The following ANK1 variants were observed in gnomAD, a reference collection of about 807,000 sequenced individuals.
The protein encoded by ANK1 is ankyrin 1.
In ANK1, 51 loss-of-function variants were observed where a neutral mutation model predicts 210.4. The observed-to-expected ratio is 0.24, with a 90% CI of 0.19 to 0.31. The LOEUF (loss-of-function observed/expected upper bound fraction) is 0.31. ANK1 is among the 10% of genes least tolerant of loss of function. ANK1 has a pLI of 1.00. For synonymous variants in ANK1, 967 were observed against 1,025.9 expected (o/e 0.94, Z 1.10); for missense variants, 2,051 against 2,504.4 (o/e 0.82, Z 3.86).
chr8:41,662,841 G>A (rs1209742774), intron 40 of ANK1, among the ~76,000 whole-genome samples: 2 of 151,612 alleles, frequency 1.3e-5, no homozygotes, highest in African/African-American at 2.4e-5. Context: ...AGCTAGCACC[G>A]TGCCCCACAC....
intron 1 of ANK1, among the ~76,000 whole-genome samples, chr8:41,765,982 C>CCCTTG (rs1374282563): frequency 1.3e-5 from 2 of 152,152 alleles, no homozygotes; most frequent in South Asian, 4.1e-4. Flanking sequence ...TTCCCTAGGA[C>CCCTTG]AAATCATGAC....
rs532269443 is a variant in ANK1, at chr8:41,668,328, C to T, written c.5333G>A (p.Arg1778Lys). ...CACCTGCTCTTCTTGGCCTTGCTGC[C>T]TCCGGTCCCTGTCGGCCTGGGAGCT... ...AESSQADRDR[R>K]QQGQEEQVQE... is the part of the protein sequence containing the mutation. Residue 1778 changes from arginine (R) to lysine (K), a missense_variant, in exon 39 of 43, where the codon AGG (arginine) becomes AAG (lysine). By Grantham distance (26) the Arg-to-Lys change is conservative. Transcript: ENST00000289734. 5 of 1,614,234 alleles carry T rather than the reference C, an allele frequency of 3.1e-6. No individual in the cohort carries two copies. Among genetic ancestry groups the T allele is most frequent in the Non-Finnish European group, 8.5e-7 (1 of 1,180,034 alleles).
chr8:41,823,521 G>A (rs1161972433), intron 1 of ANK1, among the ~76,000 whole-genome samples: 1 of 152,166 alleles, frequency 6.6e-6, no homozygotes, highest in African/African-American at 2.4e-5. Context: ...CACTTTGGGA[G>A]GCTGAGGCAG....
chr8:41,757,937 T>C, intron 2 of ANK1, 99 bp downstream of exon 2: 2 of 1,133,056 alleles, frequency 1.8e-6, no homozygotes, highest in Non-Finnish European at 2.7e-6. Flanking sequence ...TTGAGGCCAC[T>C]GAGAAAAGGT....
chr8:41,720,047 C>G (rs1159813141), intron 9 of ANK1, among the ~76,000 whole-genome samples, 189 bp from the exon 10 acceptor site: 1 of 152,196 alleles, frequency 6.6e-6, no homozygotes, highest in Non-Finnish European at 1.5e-5. Flanking sequence ...CTCCTTTCCA[C>G]CTGGCCAAAC....
intron 3 of ANK1, among the ~76,000 whole-genome samples, chr8:41,731,228 T>C (rs1244569675): frequency 6.6e-6 from 1 of 152,202 alleles, no homozygotes; most frequent in African/African-American, 2.4e-5. Context: ...TCCCTCACCA[T>C]GAAAGAACAT....
At chr8:41,798,195 C>T (rs1464807637), upstream of ANK1, among the ~76,000 whole-genome samples, 1 of 151,272 alleles carries the variant, frequency 6.6e-6, no homozygotes, top group Non-Finnish European at 1.5e-5. Context: ...TTCTGGCCGG[C>T]CCCTCCGCCC....
Position 41,661,988 on chromosome 8 carries a change from G to C in ANK1, c.5479-47C>G, listed in dbSNP as rs574466893. ...GAAAGGGCTGGTCAGGCCGGGCTCG[G>C]GGGCTCATGTCTGTAATCTCAGCAC... On this transcript the variant is annotated intron_variant, in intron 40 of 42. Transcript: ENST00000289734. The C allele has an allele frequency of 2.8e-5, 45 of 1,602,354 alleles. 1 individual carries two copies. The South Asian group carries it at 4.5e-4, about 16-fold the overall frequency.
chr8:41,724,028 T>C (rs1463025687), intron 7 of ANK1, among the ~76,000 whole-genome samples: 1 of 151,890 alleles, frequency 6.6e-6, no homozygotes, highest in Admixed American at 6.6e-5. Context: ...GACCTCGTGA[T>C]CCGCCCGTCT....
At chr8:41,748,570 C>T (rs1447706855) in intron 2 of ANK1, among the ~76,000 whole-genome samples, 1 of 152,206 alleles carries the variant, frequency 6.6e-6, no homozygotes, top group Non-Finnish European at 1.5e-5. Context: ...CACAGCAATT[C>T]CTGTTTCCCA....
rs779213752 is a variant in ANK1, at chr8:41,672,548, A to T, written c.4902T>A (p.Leu1634=). 2 of 1,614,160 alleles carry T rather than the reference A, an allele frequency of 1.2e-6. No individual in the cohort carries two copies. The highest frequency in any genetic ancestry group is 1.7e-6 in the Non-Finnish European group (2 of 1,180,040). Residue 1634 remains leucine (L), a synonymous_variant, in exon 38 of 43, where the codon CTT becomes CTA. Transcript: ENST00000289734. ...DTVDSDATNG[L]IDLLEQEEGQ... ...CTTCCTCCTGTTCAAGCAAATCGAT[A>T]AGGCCATTTGTGGCATCTGAATCCA... is the stretch of plus-strand genomic sequence containing the variant.
chr8:41,715,897 A>T (rs761487313), intron 13 of ANK1, 48 bp from the exon 14 acceptor site: 1 of 1,611,046 alleles, frequency 6.2e-7, no homozygotes, highest in Admixed American at 1.7e-5. Flanking sequence ...AATGTTACCA[A>T]ATCCAACTTT....
rs200662932 is a variant in ANK1, at chr8:41,668,484, G to A, written c.5177C>T (p.Thr1726Met). ...TCCCTGGAATGAGTGTGGACCTTGC[G>A]TGACCTCCTCTTGCCAGGAACCTTG... Reference protein sequence around the residue: ...AAQGSWQEEVTQGPHSFQGTS... With the variant: ...AAQGSWQEEVMQGPHSFQGTS... Residue 1726 changes from threonine to methionine, a missense_variant, in exon 39 of 43, where the codon ACG (threonine) becomes ATG (methionine). Thr to Met is a moderately conservative substitution (Grantham distance 81). Around this residue, in one of 6 missense-constraint regions of ANK1, gnomAD observed 496 missense variants for 533.4 expected, o/e 0.93. Coordinates refer to ENST00000289734, the MANE Select transcript of ANK1 (RefSeq NM_000037.4). The A allele has an allele frequency of 1.2e-5, 20 of 1,614,162 alleles. No homozygotes were observed. The highest frequency in any genetic ancestry group is 4.0e-5 in the African/African-American group (3 of 75,018).
chr8:41,706,300 A>G, intron 17 of ANK1, 59 bp from the exon 18 acceptor site: 1 of 1,499,254 alleles, frequency 6.7e-7, no homozygotes, highest in Non-Finnish European at 9.2e-7. Context: ...GGCCACAAGT[A>G]AAGAGCTCTG....
chr8:41,862,906 G>A (rs1813570852), intron 1 of ANK1, among the ~76,000 whole-genome samples: 1 of 152,070 alleles, frequency 6.6e-6, no homozygotes, highest in Admixed American at 6.6e-5. Context: ...CAGGTATTCA[G>A]GAGGCTGAGG....
At chr8:41,772,730 G>A (rs1843185414) in intron 1 of ANK1, among the ~76,000 whole-genome samples, 1 of 152,238 alleles carries the variant, frequency 6.6e-6, no homozygotes, top group Non-Finnish European at 1.5e-5. Flanking sequence ...TGCCCTTGCA[G>A]TGTCCTGCTG....
At chr8:41,727,486 A>C in intron 4 of ANK1, 138 bp from the exon 5 acceptor site, 2 of 732,794 alleles carry the variant, frequency 2.7e-6, no homozygotes, top group Non-Finnish European at 4.8e-6. Context: ...AAGGAAACTC[A>C]TTGTCATGGT....
intron 1 of ANK1, among the ~76,000 whole-genome samples, chr8:41,882,354 T>C (rs901702999): frequency 3.9e-5 from 6 of 152,018 alleles, no homozygotes; most frequent in Non-Finnish European, 7.4e-5. Flanking sequence ...AGTAGAGGGT[T>C]CCAGCTCAAC....
At chr8:41,703,596 A>T (rs1480879099) in intron 20 of ANK1, among the ~76,000 whole-genome samples, 1 of 150,548 alleles carries the variant, frequency 6.6e-6, no homozygotes, top group Non-Finnish European at 1.5e-5. Flanking sequence ...CTATCCTCCC[A>T]CTTCAGCCTC....
Sources: gnomAD v4.1 joint callset for allele counts (sites outside exome capture counted in the v4.1 genomes callset) on GRCh38, gnomAD v4.1.1 for gene constraint, gnomAD v4.1.1 regional missense constraint, MANE v1.5 for transcripts, NCBI Gene and HGNC (gene_info 2026-07-23, HGNC 2026-07-21) for gene names.